CEP70: variants seen among roughly 807,000 people sequenced by gnomAD.
CEP70 encodes centrosomal protein of 70 kDa.
CEP70 carries 70 observed loss-of-function variants against 90.9 expected under a neutral mutation model. The ratio of observed to expected loss-of-function variants is 0.77; its 90% CI spans 0.64 to 0.94. The LOEUF is 0.94. CEP70 is among the 40% of genes least tolerant of loss of function. CEP70 has a pLI of 0.00. For missense variants in CEP70, 648 were observed against 669.0 expected (o/e 0.97, Z 0.35); for synonymous variants, 220 against 228.3 (o/e 0.96, Z 0.33).
chr3:138,537,957 T>A (rs1178533709), intron 6 of CEP70, among the ~76,000 whole-genome samples: 1 of 151,658 alleles, frequency 6.6e-6, no homozygotes, highest in Non-Finnish European at 1.5e-5. Flanking sequence ...CACAAAGAAG[T>A]GAAAAAATTT....
intron 6 of CEP70, among the ~76,000 whole-genome samples, chr3:138,561,972 G>A (rs1213005858): frequency 6.7e-6 from 1 of 150,306 alleles, no homozygotes; most frequent in Non-Finnish European, 1.5e-5. Context: ...GCAGTGAGCC[G>A]AGATTGTGCC....
chr3:138,568,804 C>A (rs1166699849), intron 6 of CEP70, among the ~76,000 whole-genome samples: 1 of 151,838 alleles, frequency 6.6e-6, no homozygotes. Context: ...GATAGTGAAA[C>A]CCCATCTCTA....
chr3:138,565,978 GA>G (rs1232589913), intron 6 of CEP70, among the ~76,000 whole-genome samples: 1 of 151,250 alleles, frequency 6.6e-6, no homozygotes, highest in Non-Finnish European at 1.5e-5. Context: ...AAATTTACAA[GA>G]AAAAAAACAA....
chr3:138,563,214 C>A (rs1456893874), intron 6 of CEP70, among the ~76,000 whole-genome samples: 1 of 152,050 alleles, frequency 6.6e-6, no homozygotes, highest in Non-Finnish European at 1.5e-5. Context: ...TTCTTAGAGA[C>A]CTACAAAGAG....
intron 6 of CEP70, among the ~76,000 whole-genome samples, chr3:138,548,457 A>C (rs1209326587): frequency 1.3e-5 from 2 of 152,220 alleles, no homozygotes; most frequent in Non-Finnish European, 2.9e-5. Context: ...CCAACTCCTT[A>C]AACTAAGATC....
chr3:138,575,535 T>G (rs998513133), intron 2 of CEP70, among the ~76,000 whole-genome samples: 28 of 152,148 alleles, frequency 1.8e-4, no homozygotes, highest in African/African-American at 6.3e-4. Flanking sequence ...CCTCAGGATA[T>G]TATCCAGGAG....
chr3:138,525,408 TAAAATA>T (rs576844099), intron 11 of CEP70, 76 bp downstream of exon 11: 139 of 471,950 alleles, frequency 2.9e-4, no homozygotes, highest in South Asian at 1.4e-3. Flanking sequence ...TAAAGTATAA[TAAAATA>T]AAAATAAAAA....
chr3:138,519,333 G>A (rs553458312), intron 11 of CEP70, among the ~76,000 whole-genome samples: 2 of 152,202 alleles, frequency 1.3e-5, no homozygotes, highest in East Asian at 1.9e-4. Flanking sequence ...TACAGAGAAT[G>A]CCACAAAGAT....
At chr3:138,546,705 T>A (rs2039233683) in intron 6 of CEP70, among the ~76,000 whole-genome samples, 1 of 152,122 alleles carries the variant, frequency 6.6e-6, no homozygotes, top group Non-Finnish European at 1.5e-5. Flanking sequence ...GCCGAGATCA[T>A]GCCACTGCAT....
intron 8 of CEP70, among the ~76,000 whole-genome samples, chr3:138,530,348 A>G (rs1007095651): frequency 8.5e-5 from 13 of 152,238 alleles, no homozygotes; most frequent in African/African-American, 3.1e-4. Flanking sequence ...CACATAAAGT[A>G]TTACTATTGT....
chr3:138,495,678 C>T lies in CEP70; in HGVS notation c.1733-602G>A, dbSNP rs111783231. On this transcript the variant is annotated intron_variant, in intron 17 of 17. Coordinates refer to ENST00000264982, the MANE Select transcript of CEP70 (RefSeq NM_024491.4). ...ACCAGCCTGGCCAACACGGTGAAAA[C>T]CCACCTCTACTAAAAATACAAAAAT... is the stretch of plus-strand genomic sequence containing the variant. 689 of 161,736 alleles carry T rather than the reference C, an allele frequency of 4.3e-3. 2 individuals are homozygous for T. The highest frequency in any genetic ancestry group is 7.3e-3 in the South Asian group (36 of 4,956). 10.0% of individuals were successfully genotyped at this position (161,736 alleles called of 1,614,324 possible).
At chr3:138,557,971 T>C (rs1474777709) in intron 6 of CEP70, among the ~76,000 whole-genome samples, 1 of 152,146 alleles carries the variant, frequency 6.6e-6, no homozygotes, top group Admixed American at 6.6e-5. Context: ...AGACCAATTA[T>C]CTTACTGAGA....
At chr3:138,580,708 A>G (rs1268065626) in intron 2 of CEP70, among the ~76,000 whole-genome samples, 1 of 152,140 alleles carries the variant, frequency 6.6e-6, no homozygotes, top group Non-Finnish European at 1.5e-5. Context: ...ACAGACAGAG[A>G]TATGTGACCT....
intron 6 of CEP70, among the ~76,000 whole-genome samples, chr3:138,553,814 A>G (rs1215593558): frequency 1.3e-5 from 2 of 152,232 alleles, no homozygotes; most frequent in African/African-American, 2.4e-5. Flanking sequence ...ATAGTTTAAC[A>G]TACAAAAGTC....
At chr3:138,579,357 T>C (rs1480700733) in intron 2 of CEP70, among the ~76,000 whole-genome samples, 1 of 152,148 alleles carries the variant, frequency 6.6e-6, no homozygotes, top group East Asian at 1.9e-4. Flanking sequence ...TTGAGGGGCA[T>C]GTGACCTAGT....
intron 6 of CEP70, among the ~76,000 whole-genome samples, chr3:138,570,104 GA>G (rs1011092923): frequency 8.7e-5 from 13 of 149,414 alleles, no homozygotes; most frequent in East Asian, 2.0e-4. Context: ...AGGGAGATGA[GA>G]AAAAAAAACA....
rs139758055 is a variant in CEP70, at chr3:138,526,410, T to C, written c.870-846A>G. The stretch of plus-strand genomic sequence containing the variant: ...AAACTCTTGACCTCAGGAGGCCTGC[T>C]TCGGCCTCCTAAAGTGCTGGGATTA... On this transcript the variant is annotated intron_variant, in intron 10 of 17. Transcript: ENST00000264982. Among the ~76,000 whole-genome samples the C allele has an allele frequency of 4.8e-3, 724 of 152,260 alleles. 4 individuals are homozygous for C. Among genetic ancestry groups the C allele is most frequent in the African/African-American group, 0.017 (697 of 41,566 alleles).
intron 11 of CEP70, among the ~76,000 whole-genome samples, chr3:138,513,204 G>C (rs768826173): frequency 3.3e-5 from 5 of 152,152 alleles, no homozygotes; most frequent in Admixed American, 2.6e-4. Flanking sequence ...GCAATCTCTC[G>C]AGACAGTTGC....
intron 6 of CEP70, among the ~76,000 whole-genome samples, chr3:138,565,769 A>G (rs1467780727): frequency 6.6e-6 from 1 of 152,182 alleles, no homozygotes; most frequent in Admixed American, 6.5e-5. Context: ...GAATGGGCTA[A>G]GACTTCATGA....
Sources: allele counts gnomAD v4.1 joint callset (sites outside exome capture counted in the v4.1 genomes callset), GRCh38; gene constraint gnomAD v4.1.1; transcripts MANE v1.5; gene names NCBI Gene and HGNC (gene_info 2026-07-23, HGNC 2026-07-21).